Variants in THOC2 observed in about 807,000 individuals in gnomAD.
THOC2 encodes THO complex 2.
THOC2 carries 10 observed loss-of-function variants against 128.4 expected under a neutral mutation model. The observed-to-expected ratio is 0.08, with a 90% CI of 0.05 to 0.13. The LOEUF is 0.13. Ranked by LOEUF, THOC2 falls within the 10% of genes least tolerant of loss-of-function variation. The probability of loss-of-function intolerance (pLI) is 1.00; values close to 1 mark genes in which losing one functional copy is unlikely to be tolerated. For missense variants in THOC2, 535 were observed against 1,155.7 expected (o/e 0.46, Z 7.79); for synonymous variants, 393 against 396.9 (o/e 0.99, Z 0.12).
Position 123,647,941 on chromosome X carries a change from A to C in THOC2, c.1387-2566T>G, listed in dbSNP as rs758039268. ...TTAAAAAAAGCTATATGGATTGTTG[A>C]GACCTGGCAAATTGTTTAAATGTAA... On this transcript the variant is annotated intron_variant, in intron 12 of 38. Coordinates refer to ENST00000245838, the MANE Select transcript of THOC2 (RefSeq NM_001081550.2). Among the ~76,000 whole-genome samples the C allele has an allele frequency of 3.6e-5, 4 of 110,203 alleles. No homozygotes were observed. In the South Asian group the frequency reaches 1.6e-3, roughly 44 times the overall value.
intron 1 of THOC2, among the ~76,000 whole-genome samples, chrX:123,732,048 T>C (rs1232660089): frequency 9.0e-6 from 1 of 110,508 alleles, no homozygotes; most frequent in East Asian, 2.8e-4. Flanking sequence ...AACGACTCCT[T>C]CCAGGGGAAG....
intron 33 of THOC2, among the ~76,000 whole-genome samples, chrX:123,618,547 A>G (rs948184122): frequency 8.9e-6 from 1 of 111,920 alleles, no homozygotes; most frequent in Non-Finnish European, 1.9e-5. Flanking sequence ...TGCTTAGCTG[A>G]TTTCTATTTT....
chrX:123,628,024 C>T lies in THOC2; in HGVS notation c.2482-56G>A, dbSNP rs1249821427. ...CATACACACACAACATAATTTATAGCTTTGACTTTCATGGCATAAAAATCT... is the reference window on the plus strand; with the variant it reads ...CATACACACACAACATAATTTATAGTTTTGACTTTCATGGCATAAAAATCT... On this transcript the variant is annotated intron_variant, in intron 22 of 38. Coordinates refer to ENST00000245838, the MANE Select transcript of THOC2 (RefSeq NM_001081550.2). The T allele has an allele frequency of 3.1e-6, 3 of 958,941 alleles. No individual in the cohort carries two copies. The African/African-American group carries it at 5.8e-5, about 19-fold the overall frequency. 79.0% of individuals were successfully genotyped at this position (958,941 alleles called of 1,213,427 possible).
intron 12 of THOC2, among the ~76,000 whole-genome samples, chrX:123,650,323 G>A (rs960053090): frequency 8.9e-6 from 1 of 111,821 alleles, no homozygotes; most frequent in African/African-American, 3.3e-5. Context: ...AATATGGAAA[G>A]GAAAGACTGA....
intron 2 of THOC2, 38 bp from the exon 3 acceptor site, chrX:123,706,987 T>C (rs1458707078): frequency 4.3e-6 from 3 of 693,917 alleles, no homozygotes; most frequent in Non-Finnish European, 6.2e-6. Context: ...GGATACAGTC[T>C]CTTGAACATG....
chrX:123,653,399 G>A (rs1433905269), intron 12 of THOC2, among the ~76,000 whole-genome samples: 1 of 111,889 alleles, frequency 8.9e-6, no homozygotes, highest in Non-Finnish European at 1.9e-5. Flanking sequence ...AAAAGCAATG[G>A]CAACAAAAGC....
At chrX:123,620,707 G>T in intron 32 of THOC2, 200 bp downstream of exon 32, 1 of 359,691 alleles carries the variant, frequency 2.8e-6, no homozygotes, top group Non-Finnish European at 4.7e-6. Context: ...AGTCCTTGAA[G>T]TTTTAACATT....
intron 8 of THOC2, among the ~76,000 whole-genome samples, chrX:123,680,496 G>A (rs962973133): frequency 2.7e-5 from 3 of 109,771 alleles, no homozygotes; most frequent in South Asian, 4.3e-4. Context: ...TGGATCCTCC[G>A]TATGCTGAAC....
chrX:123,678,590 G>A (rs1221083251), intron 8 of THOC2, among the ~76,000 whole-genome samples: 1 of 110,616 alleles, frequency 9.0e-6, no homozygotes, highest in Non-Finnish European at 1.9e-5. Flanking sequence ...TTTTTAAGGA[G>A]CTTGCTGAAA....
Position 123,732,982 on chromosome X carries a change from T to G in THOC2, c.41A>C (p.Lys14Thr). 8.3e-7 allele frequency: 1 copy of G among 1,211,963 alleles called. No individual in the cohort carries two copies. Among genetic ancestry groups the G allele is most frequent in the Non-Finnish European group, 1.1e-6 (1 of 895,486 alleles). Residue 14 changes from lysine to threonine, a missense_variant, in exon 1 of 39, where the codon AAG becomes ACG. Physicochemically the swap from Lys to Thr is moderately conservative, Grantham distance 78. Coordinates refer to ENST00000245838, the MANE Select transcript of THOC2 (RefSeq NM_001081550.2). ...GCCTCTCCCTGATTTCTCCCAGTTC[T>G]TTATCCACTCTGCGGGAACCACCAC... is the stretch of plus-strand genomic sequence containing the variant. ...AAVVVPAEWIKNWEKSGRGEF... is the reference protein window; with the variant it reads ...AAVVVPAEWITNWEKSGRGEF...
At chrX:123,629,836 G>A (rs780696793) in intron 22 of THOC2, among the ~76,000 whole-genome samples, 3 of 111,796 alleles carry the variant, frequency 2.7e-5, no homozygotes, top group East Asian at 5.6e-4. Context: ...CTAACAAAAC[G>A]GGATAAAATA....
At chrX:123,624,410 T>C (rs1055461897) in intron 26 of THOC2, 131 bp downstream of exon 26, 2 of 780,730 alleles carry the variant, frequency 2.6e-6, no homozygotes, top group South Asian at 3.1e-5. Flanking sequence ...AACAAATTAA[T>C]TGTGCTTATA....
At chrX:123,705,335 C>A (rs976965406) in intron 3 of THOC2, among the ~76,000 whole-genome samples, 2 of 111,283 alleles carry the variant, frequency 1.8e-5, no homozygotes, top group African/African-American at 6.5e-5. Context: ...AAACTAAAAC[C>A]TATACCAATG....
chrX:123,613,330 T>C lies in THOC2; in HGVS notation c.4677+69A>G. 7 of 1,073,652 alleles carry C rather than the reference T, an allele frequency of 6.5e-6. No individual in the cohort carries two copies. In the South Asian group the frequency reaches 7.9e-5, roughly 12 times the overall value. The allele number at this position is 1,073,652 out of a possible 1,213,427, so 88.5% of individuals were successfully genotyped here. On this transcript the variant is annotated intron_variant, in intron 36 of 38. Transcript: ENST00000245838. ...CTATAGGACTAGGAAAAAAATTCAA[T>C]ATTTGCTAAATTTTCAGGATTGATT...
chrX:123,722,025 A>C (rs761446628), intron 1 of THOC2, among the ~76,000 whole-genome samples: 1 of 112,046 alleles, frequency 8.9e-6, no homozygotes, highest in Admixed American at 9.5e-5. Context: ...GGTCTTTCAC[A>C]GGCATTTTCT....
At chrX:123,687,962 T>C (rs1454942516) in intron 7 of THOC2, among the ~76,000 whole-genome samples, 1 of 112,251 alleles carries the variant, frequency 8.9e-6, no homozygotes, top group Non-Finnish European at 1.9e-5. Flanking sequence ...CAAAAAAGTA[T>C]GGCCTATGAA....
At chrX:123,680,963 C>T (rs1382321866) in intron 8 of THOC2, among the ~76,000 whole-genome samples, 9 of 109,938 alleles carry the variant, frequency 8.2e-5, no homozygotes, top group Non-Finnish European at 1.7e-4. Context: ...CACACACATG[C>T]ATTCTCTCTC....
chrX:123,643,132 A>C (rs929488305), intron 15 of THOC2, among the ~76,000 whole-genome samples: 1 of 111,387 alleles, frequency 9.0e-6, no homozygotes, highest in Non-Finnish European at 1.9e-5. Flanking sequence ...GGTAAGGGAA[A>C]ACCTGTACAA....
At chrX:123,670,175 G>A (rs1195774149) in intron 9 of THOC2, among the ~76,000 whole-genome samples, 12 of 112,082 alleles carry the variant, frequency 1.1e-4, no homozygotes. Context: ...CCACTCCCAA[G>A]AGAAAAATCC....
Sources: gnomAD v4.1 joint callset for allele counts (sites outside exome capture counted in the v4.1 genomes callset) on GRCh38, gnomAD v4.1.1 for gene constraint, MANE v1.5 for transcripts, NCBI Gene and HGNC (gene_info 2026-07-23, HGNC 2026-07-21) for gene names.